Variants in SNRPD3 observed in about 807,000 individuals in gnomAD.
The protein encoded by SNRPD3 is small nuclear ribonucleoprotein Sm D3.
For synonymous variants in SNRPD3, 66 were observed against 58.4 expected (o/e 1.13, Z -0.59); for missense variants, 73 against 167.5 (o/e 0.44, Z 3.11).
intron 2 of SNRPD3, among the ~76,000 whole-genome samples, chr22:24,559,454 A>G (rs144238998): frequency 2.0e-3 from 309 of 152,290 alleles, no homozygotes; most frequent in African/African-American, 7.0e-3. Flanking sequence ...GGTTTGTTCA[A>G]TTAGCTGTAT....
At position 24,561,064 on chromosome 22, in the gene SNRPD3, C is replaced by CTTTTTTTTTTTTTTTTTT. The variant is rs1164120857; in HGVS notation, c.126+3272_126+3289dup. ...TTTTTTTTCTTTTCCTTTTTCTTTT[C>CTTTTTTTTTTTTTTTTTT]TTTTTTTTTTTTTTTTTTTTTTTTT... On this transcript the variant is annotated intron_variant, in intron 2 of 3. Coordinates refer to ENST00000215829, the MANE Select transcript of SNRPD3 (RefSeq NM_004175.5). Among the ~76,000 whole-genome samples the CTTTTTTTTTTTTTTTTTT allele has an allele frequency of 1.1e-3, 70 of 61,688 alleles. 1 individual carries two copies. The highest frequency in any genetic ancestry group is 1.5e-3 in the South Asian group (2 of 1,360). The allele number at this position is 61,688 out of a possible 152,430, so 40.5% of individuals were successfully genotyped here.
rs865894165 is a variant in SNRPD3 at position 24,572,121 on chromosome 22, G to A, written c.*144G>A. 443 of 1,458,936 alleles carry A rather than the reference G, an allele frequency of 3.0e-4. 1 individual carries two copies. The highest frequency in any genetic ancestry group is 1.4e-3 in the Middle Eastern group (8 of 5,816). 90.4% of individuals were successfully genotyped at this position (1,458,936 alleles called of 1,614,324 possible). On this transcript the variant is annotated 3_prime_UTR_variant, in exon 4 of 4. Transcript: ENST00000215829. ...AAATGTTTAAGCTAAATAAATCTGG[G>A]GGGTTTTTTGTTCTGTTTTGTTTTG...
At position 24,574,945 on chromosome 22, in the gene SNRPD3, A is replaced by G. The variant is rs1395586600; in HGVS notation, c.*2968A>G. 6.6e-6 allele frequency among the ~76,000 whole-genome samples: 1 copy of G among 152,196 alleles called. No homozygotes were observed. The highest frequency in any genetic ancestry group is 1.5e-5 in the Non-Finnish European group (1 of 68,038). On this transcript the variant is annotated 3_prime_UTR_variant, in exon 4 of 4. Coordinates refer to ENST00000215829, the MANE Select transcript of SNRPD3 (RefSeq NM_004175.5). ...AGATCATATTCAGTGTCAAATTATT[A>G]AGATGTGATTAAACTTTTTAAAAAT...
chr22:24,559,660 G>A (rs1486283851), intron 2 of SNRPD3, among the ~76,000 whole-genome samples: 2 of 152,064 alleles, frequency 1.3e-5, no homozygotes, highest in Non-Finnish European at 2.9e-5. Context: ...GCTTAGCTTT[G>A]GACCTCCTTC....
At chr22:24,567,083 G>T (rs1266759575) in intron 2 of SNRPD3, among the ~76,000 whole-genome samples, 1 of 152,104 alleles carries the variant, frequency 6.6e-6, no homozygotes, top group Non-Finnish European at 1.5e-5. Context: ...GTAATTTCAG[G>T]CCCTTTTTAC....
intron 3 of SNRPD3, among the ~76,000 whole-genome samples, chr22:24,570,010 T>C (rs1414255355): frequency 6.6e-6 from 1 of 152,230 alleles, no homozygotes; most frequent in African/African-American, 2.4e-5. Flanking sequence ...GGAGACTTTA[T>C]TGGATAGTCA....
intron 3 of SNRPD3, among the ~76,000 whole-genome samples, chr22:24,569,879 GCTT>G (rs1194178263): frequency 6.6e-6 from 1 of 152,248 alleles, no homozygotes; most frequent in African/African-American, 2.4e-5. Context: ...AAGCACAAGA[GCTT>G]CTAGCCCCAT....
At chr22:24,557,512 T>TG (rs1038849790) in intron 1 of SNRPD3, 145 bp from the exon 2 acceptor site, 1 of 319,718 alleles carries the variant, frequency 3.1e-6, no homozygotes, top group Non-Finnish European at 5.0e-6. Context: ...GGAGCTGAGC[T>TG]TTTTTTTTTT....
At position 24,574,634 on chromosome 22, in the gene SNRPD3, C is replaced by T. The variant is rs1002399087; in HGVS notation, c.*2657C>T. On this transcript the variant is annotated 3_prime_UTR_variant, in exon 4 of 4. Coordinates refer to ENST00000215829, the MANE Select transcript of SNRPD3 (RefSeq NM_004175.5). ...TGGCTCACTGCAGCCTCAACCTTCT[C>T]GGGCTCAGGTGATTCTCCCACCTCA... is the stretch of plus-strand genomic sequence containing the variant. Among the ~76,000 whole-genome samples the T allele has an allele frequency of 3.9e-5, 6 of 152,022 alleles. No homozygotes were observed. The highest frequency in any genetic ancestry group is 2.1e-4 in the South Asian group (1 of 4,822).
rs1007026622 is a variant in SNRPD3 at position 24,556,070 on chromosome 22, C to T, written c.-20C>T. The T allele has an allele frequency of 1.5e-5, 9 of 598,544 alleles. No individual in the cohort carries two copies. The highest frequency in any genetic ancestry group is 2.4e-5 in the Non-Finnish European group (8 of 338,166). The allele number at this position is 598,544 out of a possible 1,614,324, so 37.1% of individuals were successfully genotyped here. A position where few individuals can be genotyped will look rare whatever the true frequency, so the allele number is the denominator to read the frequency against. ...GAAGAGAAGAAAAGTAGGCCAGAGC[C>T]GGTGAGGCTGGGGACGGGCGAGGGG... On this transcript the variant is annotated splice_region_variant and 5_prime_UTR_variant, in exon 1 of 4. Transcript: ENST00000215829.
At chr22:24,557,127 C>T (rs564121990) in intron 1 of SNRPD3, among the ~76,000 whole-genome samples, 137 of 152,290 alleles carry the variant, frequency 9.0e-4, no homozygotes, top group Non-Finnish European at 1.7e-3. Flanking sequence ...TGGAATATGG[C>T]CACTGGGATT....
rs570698668 is a variant in SNRPD3 at position 24,568,040 on chromosome 22, A to G, written c.183A>G (p.Val61=). Residue 61 remains valine (V), a synonymous_variant, in exon 3 of 4, where the codon GTA becomes GTG. Coordinates refer to ENST00000215829, the MANE Select transcript of SNRPD3 (RefSeq NM_004175.5). The part of the protein sequence containing the change: ...RDGRVAQLEQ[V]YIRGSKIRFL... ...GCCGAGTGGCACAGCTGGAGCAGGT[A>G]TACATCCGTGGCAGCAAAATCCGCT... 1.9e-5 allele frequency: 30 copies of G among 1,613,764 alleles called. No homozygotes were observed. In the South Asian group the frequency reaches 2.5e-4, roughly 14 times the overall value.
intron 3 of SNRPD3, among the ~76,000 whole-genome samples, chr22:24,570,690 AAG>A (rs1257467586): frequency 6.6e-6 from 1 of 152,170 alleles, no homozygotes; most frequent in Non-Finnish European, 1.5e-5. Flanking sequence ...CTCAAAAAAA[AAG>A]AATATTTTAT....
chr22:24,569,422 T>C (rs1260679898), intron 3 of SNRPD3, among the ~76,000 whole-genome samples: 1 of 152,206 alleles, frequency 6.6e-6, no homozygotes, highest in African/African-American at 2.4e-5. Flanking sequence ...TCTTCATTGG[T>C]ATCTTTAGCT....
intron 1 of SNRPD3, among the ~76,000 whole-genome samples, chr22:24,556,981 C>T (rs1013347654): frequency 2.0e-5 from 3 of 152,144 alleles, no homozygotes; most frequent in Admixed American, 6.6e-5. Context: ...TCTCAATATC[C>T]TTGATAGTAA....
Position 24,563,204 on chromosome 22 carries a change from A to ATGTGTG in SNRPD3, c.127-4779_127-4778insGTGTGT, listed in dbSNP as rs1467545713. Reference sequence around the variant, plus strand: ...GCAACACAGTGAGACCCTGTCTCATATATGTGTGTGTGTGTGTGTGTGTGT... The same window carrying ATGTGTG: ...GCAACACAGTGAGACCCTGTCTCATATGTGTGTATGTGTGTGTGTGTGTGTGTGTGT... On this transcript the variant is annotated intron_variant, in intron 2 of 3. Transcript: ENST00000215829. 4.3e-3 allele frequency among the ~76,000 whole-genome samples: 424 copies of ATGTGTG among 99,426 alleles called. 2 individuals are homozygous for ATGTGTG. The highest frequency in any genetic ancestry group is 6.0e-3 in the Non-Finnish European group (236 of 39,100). The allele number at this position is 99,426 out of a possible 152,430, so 65.2% of individuals were successfully genotyped here.
At chr22:24,564,280 A>G (rs934453181) in intron 2 of SNRPD3, among the ~76,000 whole-genome samples, 2 of 152,288 alleles carry the variant, frequency 1.3e-5, no homozygotes, top group African/African-American at 4.8e-5. Flanking sequence ...TCTTGGCCCC[A>G]GGTATCTAAG....
rs2045263630 is a variant in SNRPD3 at position 24,573,122 on chromosome 22, T to G, written c.*1145T>G. ...GGGAGGCTGAGGTGGGAGGATCACT[T>G]GAGCCTGGGAGTATGAGGCTGCAGT... On this transcript the variant is annotated 3_prime_UTR_variant, in exon 4 of 4. Transcript: ENST00000215829. Among the ~76,000 whole-genome samples the G allele has an allele frequency of 6.6e-6, 1 of 152,126 alleles. No homozygotes were observed. Among genetic ancestry groups the G allele is most frequent in the Non-Finnish European group, 1.5e-5 (1 of 68,036 alleles).
rs2045275960 is a variant in SNRPD3, at chr22:24,574,747, G to T, written c.*2770G>T. Among the ~76,000 whole-genome samples, 1 of 152,102 alleles carries T rather than the reference G, an allele frequency of 6.6e-6. No individual in the cohort carries two copies. Among genetic ancestry groups the T allele is most frequent in the Non-Finnish European group, 1.5e-5 (1 of 68,016 alleles). ...TGTAGAGACAGGGTTTTGCCATGTT[G>T]CCCAAGCTGGTCTTGAACTCCGGGG... On this transcript the variant is annotated 3_prime_UTR_variant, in exon 4 of 4. Transcript: ENST00000215829.
Sources: allele counts gnomAD v4.1 joint callset (sites outside exome capture counted in the v4.1 genomes callset), GRCh38; gene constraint gnomAD v4.1.1; transcripts MANE v1.5; gene names NCBI Gene and HGNC (gene_info 2026-07-23, HGNC 2026-07-21).